Variants in CSMD1 observed in about 807,000 individuals in gnomAD.
The protein encoded by CSMD1 is CUB and sushi domain-containing protein 1.
In CSMD1, 213 loss-of-function variants were observed where a neutral mutation model predicts 417.5. That is an observed-to-expected ratio of 0.51 (90% CI 0.46 to 0.57). The LOEUF is 0.57. CSMD1 is among the 20% of genes least tolerant of loss of function. The pLI, the probability that CSMD1 is intolerant of heterozygous loss-of-function variation, is 0.00. For missense variants in CSMD1, 6,923 were observed against 4,529.7 expected, an observed-to-expected ratio of 1.53 and a Z score of -15.17; for synonymous variants, 2,862 against 1,736.8, an observed-to-expected ratio of 1.65 and a Z score of -16.11.
chr8:3,345,238 G>A (rs1206901474), intron 22 of CSMD1, among the ~76,000 whole-genome samples: 7 of 152,134 alleles, frequency 4.6e-5, no homozygotes, highest in East Asian at 1.9e-4. Context: ...CAAGCGCACC[G>A]TGGATCCCTG....
At chr8:3,872,699 A>T (rs1182019496) in intron 5 of CSMD1, among the ~76,000 whole-genome samples, 1 of 152,164 alleles carries the variant, frequency 6.6e-6, no homozygotes, top group Non-Finnish European at 1.5e-5. Context: ...CGTGCTACTT[A>T]GAAGGCCTTG....
chr8:4,566,226 A>T, intron 2 of CSMD1, among the ~76,000 whole-genome samples: 1 of 152,088 alleles, frequency 6.6e-6, no homozygotes, highest in East Asian at 1.9e-4. Context: ...ACATTCAACA[A>T]TGTAGCTATG....
chr8:3,730,474 G>C (rs1246886076), intron 6 of CSMD1, among the ~76,000 whole-genome samples: 3 of 148,758 alleles, frequency 2.0e-5, no homozygotes, highest in African/African-American at 7.4e-5. Flanking sequence ...GCTCTCAAGA[G>C]ATCCATTATC....
intron 12 of CSMD1, among the ~76,000 whole-genome samples, chr8:3,463,651 C>T (rs1261216068): frequency 6.6e-6 from 1 of 152,148 alleles, no homozygotes; most frequent in Non-Finnish European, 1.5e-5. Flanking sequence ...CACCCTGTGC[C>T]GTCATTGCAC....
At chr8:3,009,254 A>G (rs1808199989) in intron 52 of CSMD1, among the ~76,000 whole-genome samples, 2 of 152,224 alleles carry the variant, frequency 1.3e-5, no homozygotes, top group Admixed American at 1.3e-4. Context: ...AATACTAAAT[A>G]TTGGTCCGGG....
At chr8:4,656,901 C>G (rs572229239) in intron 1 of CSMD1, among the ~76,000 whole-genome samples, 1 of 152,214 alleles carries the variant, frequency 6.6e-6, no homozygotes, top group African/African-American at 2.4e-5. Context: ...CTGTCCTAAT[C>G]CATCTGGGGG....
intron 4 of CSMD1, among the ~76,000 whole-genome samples, chr8:4,018,025 C>A (rs961378113): frequency 6.6e-6 from 1 of 152,142 alleles, no homozygotes; most frequent in Non-Finnish European, 1.5e-5. Context: ...CCACTCGTAA[C>A]TGTCATACCC....
At chr8:4,652,155 C>G (rs1332409796) in intron 1 of CSMD1, among the ~76,000 whole-genome samples, 1 of 152,082 alleles carries the variant, frequency 6.6e-6, no homozygotes, top group Admixed American at 6.6e-5. Flanking sequence ...GCAATAAATT[C>G]TATTCCCAAT....
At position 3,240,473 on chromosome 8, in the gene CSMD1, C is replaced by G. The variant is rs183395993; in HGVS notation, c.4154-10242G>C. On this transcript the variant is annotated intron_variant, in intron 26 of 69. Transcript: ENST00000635120. ...TGGGGTTTGAGAGATCAGCTGAACA[C>G]GATTGGCAGGGAGAGCACGTGTGTT... Among the ~76,000 whole-genome samples the G allele has an allele frequency of 3.3e-5, 5 of 151,852 alleles. No homozygotes were observed. In the East Asian group the frequency reaches 5.8e-4, roughly 18 times the overall value.
intron 50 of CSMD1, among the ~76,000 whole-genome samples, chr8:3,036,293 C>T (rs898170567): frequency 5.3e-5 from 8 of 152,098 alleles, no homozygotes; most frequent in Non-Finnish European, 1.2e-4. Context: ...GCCCTTTGCC[C>T]TTCTCTCTCA....
chr8:3,608,174 A>C (rs1801712429), intron 8 of CSMD1, among the ~76,000 whole-genome samples: 1 of 47,760 alleles, frequency 2.1e-5, no homozygotes, highest in Admixed American at 2.6e-4. Flanking sequence ...AAGCCATCTC[A>C]AAAAAAAAAA....
intron 8 of CSMD1, among the ~76,000 whole-genome samples, chr8:3,605,239 C>T (rs1801554169): frequency 6.6e-6 from 1 of 152,194 alleles, no homozygotes; most frequent in Non-Finnish European, 1.5e-5. Flanking sequence ...ATCCACCCGC[C>T]TCGGCCTCCC....
chr8:4,724,910 A>G (rs1024592675), intron 1 of CSMD1, among the ~76,000 whole-genome samples: 2 of 152,114 alleles, frequency 1.3e-5, no homozygotes, highest in Non-Finnish European at 2.9e-5. Flanking sequence ...AACAAATCAT[A>G]CAGGTTTTTT....
At chr8:3,384,186 A>G (rs1355730023) in intron 18 of CSMD1, among the ~76,000 whole-genome samples, 2 of 152,168 alleles carry the variant, frequency 1.3e-5, no homozygotes, top group South Asian at 2.1e-4. Flanking sequence ...GTAGAAATAA[A>G]TAAATATGTA....
intron 5 of CSMD1, among the ~76,000 whole-genome samples, chr8:3,884,923 A>G (rs996697723): frequency 6.9e-6 from 1 of 145,042 alleles, no homozygotes; most frequent in Non-Finnish European, 1.5e-5. Context: ...ATATATATAT[A>G]TATATATTCA....
At chr8:4,456,147 C>CAG (rs1289700386) in intron 2 of CSMD1, among the ~76,000 whole-genome samples, 1 of 148,436 alleles carries the variant, frequency 6.7e-6, no homozygotes, top group East Asian at 2.0e-4. Flanking sequence ...AGAGGGTTAA[C>CAG]AGAGAGTGGT....
intron 1 of CSMD1, among the ~76,000 whole-genome samples, chr8:4,935,269 C>G (rs998239476): frequency 1.3e-5 from 2 of 152,164 alleles, no homozygotes; most frequent in Admixed American, 1.3e-4. Flanking sequence ...GTTAGATATC[C>G]TCAACCTGAA....
At chr8:4,442,717 T>C (rs1231903949) in intron 2 of CSMD1, among the ~76,000 whole-genome samples, 2 of 152,190 alleles carry the variant, frequency 1.3e-5, no homozygotes, top group African/African-American at 4.8e-5. Context: ...AATGTGTATT[T>C]GTTGATAATA....
chr8:3,218,592 C>G (rs1428357143), intron 29 of CSMD1, among the ~76,000 whole-genome samples: 3 of 146,724 alleles, frequency 2.0e-5, no homozygotes, highest in African/African-American at 7.5e-5. Flanking sequence ...TTATTTTTGG[C>G]TGGGCACGGT....
Sources: gnomAD v4.1 joint callset for allele counts (sites outside exome capture counted in the v4.1 genomes callset) on GRCh38, gnomAD v4.1.1 for gene constraint, MANE v1.5 for transcripts, NCBI Gene and HGNC (gene_info 2026-07-23, HGNC 2026-07-21) for gene names.